The following DZANK1 variants were observed in gnomAD, a reference collection of about 807,000 sequenced individuals.
DZANK1 encodes double zinc ribbon and ankyrin repeat domains 1, also known as double zinc ribbon and ankyrin repeat-containing protein 1.
Under a neutral mutation model 94.5 loss-of-function variants are expected in DZANK1, and 91 were observed. That is an observed-to-expected ratio of 0.96 (90% CI 0.81 to 1.15). The LOEUF is 1.15. Among genes scored for constraint, DZANK1 ranks in the 50% most tolerant of loss-of-function variants. The probability of loss-of-function intolerance (pLI) is 0.00; values close to 1 mark genes in which losing one functional copy is unlikely to be tolerated. For synonymous variants in DZANK1, 312 were observed against 325.3 expected (o/e 0.96, Z 0.44); for missense variants, 903 against 916.4 (o/e 0.99, Z 0.19).
chr20:18,455,407 A>G (rs2059253031), intron 3 of DZANK1, 46 bp from the exon 4 acceptor site: 1 of 1,382,406 alleles, frequency 7.2e-7, no homozygotes, highest in East Asian at 2.5e-5. Context: ...TTACACAAAG[A>G]TTTTTTAAAA....
chr20:18,426,950 T>C lies in DZANK1; in HGVS notation c.954+117A>G, dbSNP rs1273975312. 5 of 559,312 alleles carry C rather than the reference T, an allele frequency of 8.9e-6. No homozygotes were observed. The East Asian group carries it at 9.7e-5, about 11-fold the overall frequency. 34.6% of individuals were successfully genotyped at this position (559,312 alleles called of 1,614,324 possible). On this transcript the variant is annotated intron_variant, in intron 10 of 20. Transcript: ENST00000262547. ...TGGAAATCTTGCTTTCAGTTTACCA[T>C]GAGAAGCTTTTTTTGGTCTCTCTCC...
At chr20:18,386,306 T>C (rs2148119433) in intron 19 of DZANK1, among the ~76,000 whole-genome samples, 1 of 152,294 alleles carries the variant, frequency 6.6e-6, no homozygotes, top group East Asian at 1.9e-4. Flanking sequence ...CGTTCTCTTA[T>C]ACACAGAGTT....
At chr20:18,383,391 T>C (rs1339470764) in exon 21 of DZANK1, 1 of 152,184 alleles carries the variant, frequency 6.6e-6, no homozygotes, top group East Asian at 1.9e-4. Context: ...AAGTGGTTTA[T>C]TGAGAGCTGA....
At chr20:18,399,782 C>T (rs1600764179) in intron 13 of DZANK1, among the ~76,000 whole-genome samples, 1 of 152,196 alleles carries the variant, frequency 6.6e-6, no homozygotes, top group East Asian at 1.9e-4. Flanking sequence ...AGGCTGACCA[C>T]CTGAGGCCAA....
At chr20:18,424,469 C>CAA (rs1259005733) in intron 10 of DZANK1, among the ~76,000 whole-genome samples, 2 of 101,072 alleles carry the variant, frequency 2.0e-5, no homozygotes, top group African/African-American at 3.9e-5. Context: ...ACAACAACAA[C>CAA]AAAAAAAAAA....
exon 18 of DZANK1, chr20:18,390,386 A>G: frequency 1.9e-6 from 3 of 1,613,958 alleles, no homozygotes; most frequent in Non-Finnish European, 2.5e-6. Context: ...TACCTCATCC[A>G]GCAGCTGTTC....
At chr20:18,446,064 C>A (rs1454504994) in intron 7 of DZANK1, among the ~76,000 whole-genome samples, 454 of 123,836 alleles carry the variant, frequency 3.7e-3, no homozygotes, top group African/African-American at 4.9e-3. Context: ...CACGCCCAGC[C>A]AAAAAAAAAA....
At chr20:18,404,673 C>T (rs1338780070) in intron 13 of DZANK1, among the ~76,000 whole-genome samples, 3 of 152,096 alleles carry the variant, frequency 2.0e-5, no homozygotes, top group Non-Finnish European at 4.4e-5. Context: ...CCTGTGATAG[C>T]AACTAGAGTT....
chr20:18,436,221 G>A (rs1165980171), intron 8 of DZANK1, among the ~76,000 whole-genome samples: 1 of 152,164 alleles, frequency 6.6e-6, no homozygotes, highest in Non-Finnish European at 1.5e-5. Context: ...AAGCACAATA[G>A]AGAGACAGAA....
chr20:18,409,968 G>A (rs2057161791), intron 13 of DZANK1, among the ~76,000 whole-genome samples: 1 of 150,582 alleles, frequency 6.6e-6, no homozygotes, highest in African/African-American at 2.4e-5. Flanking sequence ...AGGAGGCGGA[G>A]GTTGCAGTGA....
intron 2 of DZANK1, among the ~76,000 whole-genome samples, chr20:18,463,094 A>C (rs2059529373): frequency 2.0e-5 from 3 of 152,210 alleles, no homozygotes; most frequent in Admixed American, 2.0e-4. Context: ...ATAATAGCAA[A>C]GACATGAAAC....
chr20:18,384,435 G>A (rs781026270), exon 21 of DZANK1: 25 of 1,611,694 alleles, frequency 1.6e-5, no homozygotes, highest in South Asian at 2.2e-5. Flanking sequence ...TAGTTTGAGC[G>A]AGTTGGTCCT....
intron 2 of DZANK1, among the ~76,000 whole-genome samples, chr20:18,463,066 T>C (rs2041584607): frequency 6.6e-6 from 1 of 152,102 alleles, no homozygotes; most frequent in African/African-American, 2.4e-5. Flanking sequence ...TACCCATATG[T>C]TCCTTACAGC....
intron 3 of DZANK1, among the ~76,000 whole-genome samples, chr20:18,459,877 T>G (rs976491981): frequency 6.6e-6 from 1 of 152,192 alleles, no homozygotes; most frequent in African/African-American, 2.4e-5. Context: ...GGAAAGGATC[T>G]TCCTTCCTGA....
intron 17 of DZANK1, among the ~76,000 whole-genome samples, chr20:18,390,725 C>CA (rs1459445280): frequency 6.6e-6 from 1 of 152,184 alleles, no homozygotes; most frequent in East Asian, 1.9e-4. Flanking sequence ...AGAAACCTCA[C>CA]AAAACCCAGA....
intron 2 of DZANK1, among the ~76,000 whole-genome samples, chr20:18,463,171 T>C (rs752565514): frequency 6.6e-6 from 1 of 152,208 alleles, no homozygotes; most frequent in Non-Finnish European, 1.5e-5. Context: ...CATGGAATAC[T>C]ATGCAGTGAT....
At chr20:18,437,833 A>G (rs1017584641) in intron 8 of DZANK1, among the ~76,000 whole-genome samples, 19 of 152,196 alleles carry the variant, frequency 1.2e-4, no homozygotes, top group African/African-American at 4.3e-4. Flanking sequence ...ATTGAGGTCC[A>G]TATTGTAATC....
In DZANK1 at chr20:18,422,393, G is replaced by A. The variant is rs149325932; in HGVS notation, c.954+4674C>T. On this transcript the variant is annotated intron_variant, in intron 10 of 20. Coordinates refer to ENST00000262547, the Ensembl canonical transcript of DZANK1. ...TCTGGGCTCTCTATTCTTGTCCATT[G>A]GTCTACATGCCTGTTTTTATGCTAG... 3.3e-3 allele frequency among the ~76,000 whole-genome samples: 506 copies of A among 152,056 alleles called. 3 individuals carry two copies. The highest frequency in any genetic ancestry group is 0.012 in the African/African-American group (491 of 41,480).
At chr20:18,465,937 A>C (rs979062928) in intron 1 of DZANK1, among the ~76,000 whole-genome samples, 2 of 152,256 alleles carry the variant, frequency 1.3e-5, no homozygotes, top group African/African-American at 4.8e-5. Flanking sequence ...ACTACTTCTC[A>C]GTGGAAAGGA....
Sources: allele counts gnomAD v4.1 joint callset (sites outside exome capture counted in the v4.1 genomes callset), GRCh38; gene constraint gnomAD v4.1.1; transcripts MANE v1.5; gene names NCBI Gene and HGNC (gene_info 2026-07-23, HGNC 2026-07-21).